RUVBL1: variants seen among roughly 807,000 people sequenced by gnomAD.
RUVBL1 encodes the protein ruvB-like 1.
A neutral mutation model predicts 52.4 loss-of-function variants in RUVBL1; 4 were observed. That is an observed-to-expected ratio of 0.08 (90% CI 0.04 to 0.17). RUVBL1 has a LOEUF of 0.17. Ranked by LOEUF, RUVBL1 falls within the 10% of genes least tolerant of loss-of-function variation. RUVBL1 has a pLI of 1.00. For missense variants in RUVBL1, 298 were observed against 572.8 expected, an observed-to-expected ratio of 0.52 and a Z score of 4.90; for synonymous variants, 217 against 214.4, an observed-to-expected ratio of 1.01 and a Z score of -0.10.
At chr3:128,131,047 A>T (rs1427943951) in intron 1 of RUVBL1, among the ~76,000 whole-genome samples, 1 of 151,362 alleles carries the variant, frequency 6.6e-6, no homozygotes, top group Non-Finnish European at 1.5e-5. Flanking sequence ...CAGGCCCAGG[A>T]GTTTGAGGCT....
At position 128,067,145 on chromosome 3, in the gene RUVBL1, C is replaced by G. The variant is rs1942004200; in HGVS notation, c.940-1925G>C. The G allele has an allele frequency of 1.2e-6, 2 of 1,614,168 alleles. No homozygotes were observed. The highest frequency in any genetic ancestry group is 1.7e-6 in the Non-Finnish European group (2 of 1,179,996). On this transcript the variant is annotated intron_variant, in intron 9 of 9. Coordinates refer to the RUVBL1 transcript ENST00000464873. This position sits in a 1 kb window ranked among gnomAD's most constrained non-coding sequence, Gnocchi z 4.1. Reference sequence around the variant, plus strand: ...ACTTGCTGGTCAGCCTGCTGGGCACCTGGTCGGTAAGTAGGCTCTTTGAAG... The same window carrying G: ...ACTTGCTGGTCAGCCTGCTGGGCACGTGGTCGGTAAGTAGGCTCTTTGAAG...
intron 9 of RUVBL1, among the ~76,000 whole-genome samples, chr3:128,074,281 C>A (rs768413328): frequency 6.6e-6 from 1 of 151,746 alleles, no homozygotes; most frequent in Non-Finnish European, 1.5e-5. Flanking sequence ...TCCATACACA[C>A]AACATTCAGG....
chr3:128,104,977 A>G, intron 3 of RUVBL1, 53 bp from the exon 4 acceptor site: 3 of 1,556,458 alleles, frequency 1.9e-6, no homozygotes, highest in East Asian at 2.3e-5. Flanking sequence ...TTTCTCTCAC[A>G]CTGAGAGCCC....
intron 9 of RUVBL1, chr3:128,075,075 G>T (rs1274252275): frequency 6.6e-6 from 1 of 152,132 alleles, no homozygotes. Context: ...TCCCCCAAAG[G>T]GGGTGCACTA....
intron 3 of RUVBL1, among the ~76,000 whole-genome samples, chr3:128,110,765 G>A (rs190988241): frequency 1.3e-5 from 2 of 152,214 alleles, no homozygotes; most frequent in Admixed American, 1.3e-4. Context: ...GCTGCTTCAA[G>A]GAGGCAGAAA....
At chr3:128,096,283 A>G (rs1411030448) in intron 8 of RUVBL1, among the ~76,000 whole-genome samples, 2 of 152,214 alleles carry the variant, frequency 1.3e-5, no homozygotes, top group Non-Finnish European at 2.9e-5. Flanking sequence ...GAATACTGAC[A>G]CTGGGCTTGA....
chr3:128,100,250 G>A (rs1041241833), intron 6 of RUVBL1, among the ~76,000 whole-genome samples: 1 of 152,164 alleles, frequency 6.6e-6, no homozygotes, highest in African/African-American at 2.4e-5. Flanking sequence ...CTGAAATCCT[G>A]TAAAGGGCTC....
Position 128,082,663 on chromosome 3 carries a change from C to G in RUVBL1, c.1120-89G>C. The G allele has an allele frequency of 9.4e-7, 1 of 1,065,602 alleles. No individual in the cohort carries two copies. The highest frequency in any genetic ancestry group is 1.5e-5 in the South Asian group (1 of 65,458). The allele number at this position is 1,065,602 out of a possible 1,614,324, so 66.0% of individuals were successfully genotyped here. On this transcript the variant is annotated intron_variant, in intron 9 of 10. Coordinates refer to ENST00000322623, the MANE Select transcript of RUVBL1 (RefSeq NM_003707.3). This position sits in a 1 kb window ranked among gnomAD's most constrained non-coding sequence, Gnocchi z 4.7. The stretch of plus-strand genomic sequence containing the variant: ...TTTAAAGACAATGTTGCTCAGATTT[C>G]TCACTGTGCAGCATAAGAGAAACTG...
chr3:128,148,388 G>GCCAGTT (rs1471523287), intron 1 of RUVBL1, among the ~76,000 whole-genome samples: 3 of 152,196 alleles, frequency 2.0e-5, no homozygotes, highest in African/African-American at 7.2e-5. Flanking sequence ...CAAGAACTGA[G>GCCAGTT]CCAGTTTGCT....
At chr3:128,095,770 T>C (rs1942954205) in intron 8 of RUVBL1, among the ~76,000 whole-genome samples, 1 of 152,074 alleles carries the variant, frequency 6.6e-6, no homozygotes, top group Admixed American at 6.6e-5. Flanking sequence ...TTTTTAGAGA[T>C]GAGGTCTCAC....
chr3:128,132,744 C>G (rs1293636873), intron 1 of RUVBL1, among the ~76,000 whole-genome samples: 1 of 152,148 alleles, frequency 6.6e-6, no homozygotes, highest in Non-Finnish European at 1.5e-5. Flanking sequence ...TCAGTGGTAG[C>G]CAGACAGTAT....
intron 9 of RUVBL1, chr3:128,066,926 G>C: frequency 6.2e-7 from 1 of 1,612,558 alleles, no homozygotes; most frequent in South Asian, 1.1e-5. Context: ...AGGCAGTGAA[G>C]GGGATTTGGT....
At chr3:128,091,310 G>A (rs1362271552) in intron 8 of RUVBL1, among the ~76,000 whole-genome samples, 1 of 151,350 alleles carries the variant, frequency 6.6e-6, no homozygotes, top group Non-Finnish European at 1.5e-5. Context: ...AACGGGGGGT[G>A]GGGAGGATCA....
chr3:128,098,766 A>G, intron 7 of RUVBL1, 116 bp downstream of exon 7: 1 of 862,298 alleles, frequency 1.2e-6, no homozygotes, highest in Non-Finnish European at 1.9e-6. Flanking sequence ...TGAGGAAGAA[A>G]GAACTGTTCT....
intron 3 of RUVBL1, among the ~76,000 whole-genome samples, chr3:128,106,390 G>A (rs1332488594): frequency 2.6e-5 from 4 of 152,026 alleles, no homozygotes; most frequent in African/African-American, 7.3e-5. Flanking sequence ...TGCATATAAC[G>A]GTTCTGCTTC....
At chr3:128,152,070 CCT>C (rs1200992523) in intron 1 of RUVBL1, among the ~76,000 whole-genome samples, 2 of 152,316 alleles carry the variant, frequency 1.3e-5, no homozygotes, top group African/African-American at 4.8e-5. Context: ...CCCACCACTC[CCT>C]GTCATCTTAG....
At chr3:128,068,009 G>T in intron 9 of RUVBL1, 1 of 1,612,058 alleles carries the variant, frequency 6.2e-7, no homozygotes, top group Non-Finnish European at 8.5e-7. Flanking sequence ...AGGAGCAGCA[G>T]ATGGTGATGA....
chr3:128,128,994 A>G (rs1576483033), intron 1 of RUVBL1, among the ~76,000 whole-genome samples: 2 of 152,144 alleles, frequency 1.3e-5, no homozygotes, highest in Admixed American at 1.3e-4. Flanking sequence ...TTCCCACAGG[A>G]TATGTGCAAT....
At chr3:128,149,770 G>A (rs899020609) in intron 1 of RUVBL1, among the ~76,000 whole-genome samples, 1 of 152,198 alleles carries the variant, frequency 6.6e-6, no homozygotes, top group Non-Finnish European at 1.5e-5. Context: ...GCCCACACAA[G>A]GAGGGAGACT....
Sources: allele counts gnomAD v4.1 joint callset (sites outside exome capture counted in the v4.1 genomes callset), GRCh38; gene constraint gnomAD v4.1.1; non-coding constraint Gnocchi (gnomAD v3.1); transcripts MANE v1.5; gene names NCBI Gene and HGNC (gene_info 2026-07-23, HGNC 2026-07-21).